The following BICD1 variants were observed in gnomAD, a reference collection of about 807,000 sequenced individuals.
BICD1 encodes BICD cargo adaptor 1, also known as protein bicaudal D homolog 1.
BICD1 carries 35 observed loss-of-function variants against 92.5 expected under a neutral mutation model. The ratio of observed to expected loss-of-function variants is 0.38; its 90% confidence interval spans 0.29 to 0.50. The LOEUF is 0.50. BICD1 is among the 20% of genes least tolerant of loss of function. The pLI, the probability that BICD1 is intolerant of heterozygous loss-of-function variation, is 0.93. For missense variants in BICD1, 950 were observed against 1,189.8 expected (o/e 0.80, Z 2.97); for synonymous variants, 429 against 465.1 (o/e 0.92, Z 1.00).
intron 1 of BICD1, among the ~76,000 whole-genome samples, chr12:32,135,784 A>G (rs1942717891): frequency 6.6e-6 from 1 of 151,860 alleles, no homozygotes; most frequent in African/African-American, 2.4e-5. Flanking sequence ...TTCTTCCCTC[A>G]TTTACATCAT....
At chr12:32,243,019 G>A (rs1946276261) in intron 2 of BICD1, among the ~76,000 whole-genome samples, 2 of 152,040 alleles carry the variant, frequency 1.3e-5, no homozygotes, top group Admixed American at 1.3e-4. Flanking sequence ...AGTACCTGGT[G>A]CAGAGTTAGG....
chr12:32,144,999 A>T (rs937481827), intron 1 of BICD1, among the ~76,000 whole-genome samples: 1 of 152,100 alleles, frequency 6.6e-6, no homozygotes. Flanking sequence ...TTCTTTTCTG[A>T]TGGTTGAATA....
At chr12:32,285,560 A>C (rs1175955431) in intron 2 of BICD1, among the ~76,000 whole-genome samples, 1 of 152,196 alleles carries the variant, frequency 6.6e-6, no homozygotes, top group African/African-American at 2.4e-5. Flanking sequence ...AAGGGAATTT[A>C]TGATTCCTAC....
In BICD1 at chr12:32,216,280, G is replaced by C. The variant is rs1279971081; in HGVS notation, c.247G>C (p.Val83Leu). 1.2e-6 allele frequency: 2 copies of C among 1,613,996 alleles called. No homozygotes were observed. The highest frequency in any genetic ancestry group is 1.1e-5 in the South Asian group (1 of 91,076). ...GCAGTCCTTCTCCATCCACCGGAAG[G>C]TTGCTGAAGATGGAGAGACTCGGGA... ...FGQSFSIHRK[V>L]AEDGETREET... Residue 83 changes from valine to leucine, a missense_variant, in exon 2 of 10, where the codon GTT (valine) becomes CTT (leucine). Val to Leu is a conservative substitution (Grantham distance 32, BLOSUM62 1). This residue lies in a region of BICD1 where 202 missense variants were observed against 205.3 expected (regional missense o/e 0.98). Transcript: ENST00000652176.
At chr12:32,118,223 C>T (rs1240922501) in intron 1 of BICD1, among the ~76,000 whole-genome samples, 3 of 151,758 alleles carry the variant, frequency 2.0e-5, no homozygotes, top group Non-Finnish European at 4.4e-5. Context: ...GCTGGGACTA[C>T]AGGTGCCCGC....
At chr12:32,152,179 AC>A (rs1007609385) in intron 1 of BICD1, among the ~76,000 whole-genome samples, 1 of 150,112 alleles carries the variant, frequency 6.7e-6, no homozygotes, top group African/African-American at 2.5e-5. Context: ...CTGGTCTTGA[AC>A]TCCTGACCTC....
intron 1 of BICD1, among the ~76,000 whole-genome samples, chr12:32,203,272 G>T (rs1022852592): frequency 2.0e-5 from 3 of 152,182 alleles, no homozygotes; most frequent in Admixed American, 2.0e-4. Context: ...ATAGCTTTAT[G>T]ACCTTGGAGG....
At chr12:32,360,846 G>C (rs916739249) in intron 8 of BICD1, among the ~76,000 whole-genome samples, 1 of 152,114 alleles carries the variant, frequency 6.6e-6, no homozygotes, top group Non-Finnish European at 1.5e-5. Context: ...TCTGATTTAA[G>C]AGAGAAATAA....
At chr12:32,166,981 C>A (rs912511146) in intron 1 of BICD1, among the ~76,000 whole-genome samples, 3 of 152,210 alleles carry the variant, frequency 2.0e-5, no homozygotes, top group African/African-American at 4.8e-5. Flanking sequence ...TGAAAAGATA[C>A]ACACACAATG....
At chr12:32,238,102 AGG>A (rs1946125376) in intron 2 of BICD1, among the ~76,000 whole-genome samples, 1 of 152,120 alleles carries the variant, frequency 6.6e-6, no homozygotes, top group South Asian at 2.1e-4. Context: ...GGTGACTTTG[AGG>A]GCTTTAAGAC....
At chr12:32,225,221 C>A (rs1414184382) in intron 2 of BICD1, among the ~76,000 whole-genome samples, 5 of 152,066 alleles carry the variant, frequency 3.3e-5, no homozygotes, top group Non-Finnish European at 7.4e-5. Flanking sequence ...CAGTATGTAA[C>A]CTTTTGAGAT....
intron 1 of BICD1, among the ~76,000 whole-genome samples, chr12:32,130,329 A>G (rs1942496504): frequency 6.6e-6 from 1 of 151,654 alleles, no homozygotes; most frequent in Admixed American, 6.6e-5. Flanking sequence ...TCAGCCTCCC[A>G]AGTAGCTGGG....
At chr12:32,323,400 C>G (rs1326431846) in intron 4 of BICD1, among the ~76,000 whole-genome samples, 2 of 152,216 alleles carry the variant, frequency 1.3e-5, no homozygotes, top group Non-Finnish European at 2.9e-5. Flanking sequence ...ATTAAATTCA[C>G]TAACTCACTT....
At chr12:32,229,363 C>T (rs1269538886) in intron 2 of BICD1, among the ~76,000 whole-genome samples, 2 of 152,094 alleles carry the variant, frequency 1.3e-5, no homozygotes, top group African/African-American at 4.8e-5. Flanking sequence ...AAAGGGCAAG[C>T]ACTGAGCCCT....
Position 32,296,697 on chromosome 12 carries a change from ATG to A in BICD1, c.579+2552_579+2553del, listed in dbSNP as rs1947883594. Among the ~76,000 whole-genome samples, 12 of 152,328 alleles carry A rather than the reference ATG, an allele frequency of 7.9e-5. No individual in the cohort carries two copies. The South Asian group carries it at 2.5e-3, about 32-fold the overall frequency. On this transcript the variant is annotated intron_variant, in intron 3 of 9. Transcript: ENST00000652176. ...TACACTCCTCACTGCTCTCTAGAGC[ATG>A]GTGAGAGCACGATCAGCAGCCTCCC...
At chr12:32,235,128 G>A (rs1320682835) in intron 2 of BICD1, among the ~76,000 whole-genome samples, 2 of 152,282 alleles carry the variant, frequency 1.3e-5, no homozygotes, top group East Asian at 3.9e-4. Context: ...CATATTAACA[G>A]AGTGACAATA....
chr12:32,204,715 T>G (rs1463601435), intron 1 of BICD1, among the ~76,000 whole-genome samples: 1 of 152,166 alleles, frequency 6.6e-6, no homozygotes, highest in East Asian at 1.9e-4. Flanking sequence ...CACCTGGCCC[T>G]TACCCCAGAC....
chr12:32,131,293 C>G (rs947541217), intron 1 of BICD1, among the ~76,000 whole-genome samples: 1 of 151,684 alleles, frequency 6.6e-6, no homozygotes, highest in Admixed American at 6.6e-5. Context: ...TTTCTGTTGC[C>G]GTATATTTCA....
At chr12:32,314,412 T>C (rs1396544305) in intron 4 of BICD1, among the ~76,000 whole-genome samples, 1 of 152,220 alleles carries the variant, frequency 6.6e-6, no homozygotes, top group Non-Finnish European at 1.5e-5. Flanking sequence ...AGTGTTCCGA[T>C]TTCTCCACAT....
Sources: gnomAD v4.1 joint callset for allele counts (sites outside exome capture counted in the v4.1 genomes callset) on GRCh38, gnomAD v4.1.1 for gene constraint, gnomAD v4.1.1 regional missense constraint, MANE v1.5 for transcripts, NCBI Gene and HGNC (gene_info 2026-07-23, HGNC 2026-07-21) for gene names.